DIXDC1: variants seen among roughly 807,000 people sequenced by gnomAD.
The protein encoded by DIXDC1 is dixin.
In DIXDC1, 64 loss-of-function variants were observed where a neutral mutation model predicts 103.1. The observed-to-expected ratio is 0.62, with a 90% CI of 0.51 to 0.76. The LOEUF (loss-of-function observed/expected upper bound fraction) is 0.76, where lower values mean the gene tolerates loss of function less well. Among genes scored for constraint, DIXDC1 ranks in the 30% least tolerant of loss-of-function variants. The probability of loss-of-function intolerance (pLI) is 0.00; values close to 1 mark genes in which losing one functional copy is unlikely to be tolerated. For synonymous variants in DIXDC1, 266 were observed against 298.5 expected (o/e 0.89, Z 1.12); for missense variants, 759 against 834.2 (o/e 0.91, Z 1.11).
chr11:111,960,392 G>A (rs1489983073), intron 1 of DIXDC1, among the ~76,000 whole-genome samples: 1 of 150,542 alleles, frequency 6.6e-6, no homozygotes, highest in Non-Finnish European at 1.5e-5. Flanking sequence ...TCAGGAGTTC[G>A]AGACCAGCCT....
chr11:111,963,120 A>C (rs1010761828), intron 1 of DIXDC1, among the ~76,000 whole-genome samples: 3 of 152,212 alleles, frequency 2.0e-5, no homozygotes, highest in Admixed American at 1.3e-4. Flanking sequence ...TCATCCATAA[A>C]ATGGAGATAA....
intron 1 of DIXDC1, among the ~76,000 whole-genome samples, chr11:111,940,346 C>T (rs892834373): frequency 6.6e-6 from 1 of 152,206 alleles, no homozygotes; most frequent in Non-Finnish European, 1.5e-5. Flanking sequence ...GCAAATTATC[C>T]ACAGGTTTTG....
chr11:111,934,392 C>T (rs1436080454), upstream of DIXDC1, among the ~76,000 whole-genome samples: 1 of 152,216 alleles, frequency 6.6e-6, no homozygotes, highest in Non-Finnish European at 1.5e-5. Flanking sequence ...GTTCAGAAAT[C>T]AGGCAGCATG....
At chr11:111,992,553 G>T (rs1860745158) in intron 11 of DIXDC1, 34 bp downstream of exon 11, 1 of 1,526,814 alleles carries the variant, frequency 6.5e-7, no homozygotes, top group Non-Finnish European at 8.9e-7. Context: ...ACCTCAGTGA[G>T]CCCCATTAGC....
chr11:112,016,997 C>T (rs1023717388), intron 18 of DIXDC1, among the ~76,000 whole-genome samples: 4 of 151,904 alleles, frequency 2.6e-5, no homozygotes, highest in Admixed American at 2.6e-4. Flanking sequence ...AAGTCATGAT[C>T]TACTACTAGA....
intron 5 of DIXDC1, 102 bp from the exon 6 acceptor site, chr11:111,980,635 A>T: frequency 1.2e-6 from 1 of 851,388 alleles, no homozygotes; most frequent in African/African-American, 1.7e-5. Flanking sequence ...GAGGAGTAAG[A>T]TGAATAAGAA....
At chr11:111,934,209 G>C (rs1966125219), upstream of DIXDC1, among the ~76,000 whole-genome samples, 1 of 152,136 alleles carries the variant, frequency 6.6e-6, no homozygotes, top group African/African-American at 2.4e-5. Context: ...TATGGTAATT[G>C]TGACAGTCAA....
upstream of DIXDC1, among the ~76,000 whole-genome samples, chr11:111,936,535 A>T (rs1316904171): frequency 6.6e-6 from 1 of 152,184 alleles, no homozygotes; most frequent in African/African-American, 2.4e-5. Flanking sequence ...AAATAGGAAA[A>T]TTTTGGAAAA....
At position 111,993,487 on chromosome 11, in the gene DIXDC1, T is replaced by G. The variant is rs782554132; in HGVS notation, c.1273-9T>G. 6.2e-7 allele frequency: 1 copy of G among 1,613,892 alleles called. No individual in the cohort carries two copies. Among genetic ancestry groups the G allele is most frequent in the Non-Finnish European group, 8.5e-7 (1 of 1,179,822 alleles). ...TGCCGCTCATCTTAAAGCTCTATCTTTATTGCAGAAAGAGCTGGGGCAGAA... is the reference window on the plus strand; with the variant it reads ...TGCCGCTCATCTTAAAGCTCTATCTGTATTGCAGAAAGAGCTGGGGCAGAA... On this transcript the variant is annotated splice_polypyrimidine_tract_variant and intron_variant, in intron 12 of 19. Coordinates refer to ENST00000440460, the MANE Select transcript of DIXDC1 (RefSeq NM_001037954.4).
intron 2 of DIXDC1, among the ~76,000 whole-genome samples, chr11:111,930,303 A>T (rs7127153): frequency 0.062 from 9,402 of 152,188 alleles, 956 homozygotes; most frequent in African/African-American, 0.21. Context: ...TCTGGAAAAT[A>T]TTCTTGCAGT....
At position 111,996,068 on chromosome 11, in the gene DIXDC1, G is replaced by A. The variant is rs1555175367; in HGVS notation, c.1690-12G>A. The A allele has an allele frequency of 6.2e-7, 1 of 1,612,898 alleles. No individual in the cohort carries two copies. The highest frequency in any genetic ancestry group is 1.3e-5 in the African/African-American group (1 of 74,852). On this transcript the variant is annotated splice_polypyrimidine_tract_variant and intron_variant, in intron 16 of 19. Transcript: ENST00000440460. Reference sequence around the variant, plus strand: ...TGATCATAACTCTTGTGATTTTTGTGTGGCTCCCCAGGTTCGGGTCAAGTC... The same window carrying A: ...TGATCATAACTCTTGTGATTTTTGTATGGCTCCCCAGGTTCGGGTCAAGTC...
chr11:111,945,976 G>A (rs997963385), intron 1 of DIXDC1, among the ~76,000 whole-genome samples: 1 of 135,876 alleles, frequency 7.4e-6, no homozygotes, highest in Non-Finnish European at 1.5e-5. Context: ...TCGTTCTGTC[G>A]CTCAGGCTGA....
intron 1 of DIXDC1, among the ~76,000 whole-genome samples, chr11:111,941,877 C>T (rs1483493791): frequency 1.3e-5 from 2 of 151,708 alleles, no homozygotes; most frequent in African/African-American, 2.4e-5. Context: ...CACACACCCA[C>T]GAAGAGTTTT....
In DIXDC1 at chr11:111,958,616, G is replaced by T. The variant is rs1242532609; in HGVS notation, c.61-5933G>T. Among the ~76,000 whole-genome samples the T allele has an allele frequency of 6.6e-6, 1 of 152,202 alleles. No individual in the cohort carries two copies. The highest frequency in any genetic ancestry group is 2.4e-5 in the African/African-American group (1 of 41,460). On this transcript the variant is annotated intron_variant, in intron 1 of 19. Transcript: ENST00000440460. The surrounding 1 kb of genome is among the most constrained non-coding windows in gnomAD (Gnocchi z 4.2). ...GGTCTACACGTGCCCCTTGGCACGT[G>T]GCAGGAGGCAGACAGGCTCCTGTGT...
intron 7 of DIXDC1, among the ~76,000 whole-genome samples, chr11:111,982,889 A>G (rs782054254): frequency 2.0e-5 from 3 of 152,236 alleles, no homozygotes; most frequent in Non-Finnish European, 4.4e-5. Flanking sequence ...TGTAAGAGCC[A>G]GTAATGCTGC....
intron 17 of DIXDC1, among the ~76,000 whole-genome samples, chr11:111,996,952 T>A (rs1272912538): frequency 6.6e-6 from 1 of 152,222 alleles, no homozygotes; most frequent in African/African-American, 2.4e-5. Context: ...TTTAACCTGC[T>A]CCGTGCCCAC....
Position 112,009,228 on chromosome 11 carries a change from A to C in DIXDC1, c.1757-7463A>C, listed in dbSNP as rs189860895. On this transcript the variant is annotated intron_variant, in intron 17 of 19. Coordinates refer to ENST00000440460, the MANE Select transcript of DIXDC1 (RefSeq NM_001037954.4). ...CTAGAAGAAATGGATAAATTCCTGG[A>C]CACATACACCCTCCCAAGACTAAAC... Among the ~76,000 whole-genome samples, 50 of 152,338 alleles carry C rather than the reference A, an allele frequency of 3.3e-4. 1 individual carries two copies. In the East Asian group the frequency reaches 9.6e-3, roughly 29 times the overall value.
chr11:111,992,982 A>C lies in DIXDC1; in HGVS notation c.1250A>C (p.Asn417Thr). 6.2e-7 allele frequency: 1 copy of C among 1,608,248 alleles called. No homozygotes were observed. Among genetic ancestry groups the C allele is most frequent in the Non-Finnish European group, 8.5e-7 (1 of 1,177,482 alleles). Residue 417 changes from asparagine to threonine, a missense_variant, in exon 12 of 20, where the codon AAC becomes ACC. Asn to Thr is a moderately conservative substitution (Grantham distance 65). Coordinates refer to ENST00000440460, the MANE Select transcript of DIXDC1 (RefSeq NM_001037954.4). ...VDLQRKLDER[N>T]RLLGEYKKEL... ...CTGCAGAGGAAGCTAGATGAGAGGA[A>C]CCGGCTCTTGGGAGAATATAAAGTA...
chr11:111,994,659 T>A (rs1860828985), intron 14 of DIXDC1, among the ~76,000 whole-genome samples: 1 of 151,350 alleles, frequency 6.6e-6, no homozygotes, highest in Admixed American at 6.6e-5. Context: ...TGTGTGTGTA[T>A]ATATATATAT....
Sources: allele counts gnomAD v4.1 joint callset (sites outside exome capture counted in the v4.1 genomes callset), GRCh38; gene constraint gnomAD v4.1.1; non-coding constraint Gnocchi (gnomAD v3.1); transcripts MANE v1.5; gene names NCBI Gene and HGNC (gene_info 2026-07-23, HGNC 2026-07-21).